Variants in CELF4 observed in about 807,000 individuals in gnomAD.
The protein encoded by CELF4 is CUGBP Elav-like family member 4.
Under a neutral mutation model 59.9 loss-of-function variants are expected in CELF4, and 18 were observed. The observed-to-expected ratio is 0.30, with a 90% CI of 0.21 to 0.45. The LOEUF is 0.45. Ranked by LOEUF, CELF4 falls within the 20% of genes least tolerant of loss-of-function variation. The pLI is 1.00. For synonymous variants in CELF4, 261 were observed against 267.1 expected (o/e 0.98, Z 0.22); for missense variants, 456 against 689.0 (o/e 0.66, Z 3.79).
chr18:37,286,097 G>A (rs1056241020), intron 3 of CELF4, among the ~76,000 whole-genome samples: 5 of 152,084 alleles, frequency 3.3e-5, no homozygotes, highest in Non-Finnish European at 7.4e-5. Context: ...CAGCATGGGC[G>A]GGGGGAGGTT....
chr18:37,348,057 G>A (rs1206084771), intron 2 of CELF4, among the ~76,000 whole-genome samples: 4 of 152,144 alleles, frequency 2.6e-5, no homozygotes, highest in Admixed American at 6.5e-5. Flanking sequence ...CCTCCAGGCC[G>A]GGCCTCTGGT....
chr18:37,418,986 A>G lies in CELF4; in HGVS notation c.369+66539T>C, dbSNP rs376052502. Among the ~76,000 whole-genome samples the G allele has an allele frequency of 4.6e-3, 703 of 152,264 alleles. 6 individuals carry two copies. Among genetic ancestry groups the G allele is most frequent in the African/African-American group, 0.016 (677 of 41,540 alleles). ...CTAGTCTAGCATAGGTGCACATGGT[A>G]GGTGTACTTCTGGGGATGAAGAGTG... On this transcript the variant is annotated intron_variant, in intron 2 of 12. Coordinates refer to ENST00000420428, the MANE Select transcript of CELF4 (RefSeq NM_020180.4).
In CELF4 at chr18:37,565,709, G is replaced by T. The variant is rs149435849; in HGVS notation, c.-68C>A. 233 of 1,442,786 alleles carry T rather than the reference G, an allele frequency of 1.6e-4. 2 individuals are homozygous for T. In the Middle Eastern group the frequency reaches 3.4e-3, roughly 21 times the overall value. 89.4% of individuals were successfully genotyped at this position (1,442,786 alleles called of 1,614,324 possible). On this transcript the variant is annotated 5_prime_UTR_variant, in exon 1 of 13. Coordinates refer to ENST00000420428, the MANE Select transcript of CELF4 (RefSeq NM_020180.4). The stretch of plus-strand genomic sequence containing the variant: ...TCTCGCTCCTCTCTCTCGCTCGCTC[G>T]CGCTCACACACGCACACGCATACAC...
At chr18:37,303,340 C>T (rs1236362041) in intron 3 of CELF4, among the ~76,000 whole-genome samples, 1 of 152,184 alleles carries the variant, frequency 6.6e-6, no homozygotes. Context: ...GGTCTCCTTC[C>T]TCCACTCCCC....
chr18:37,530,409 G>C (rs1237498248), intron 1 of CELF4, among the ~76,000 whole-genome samples: 1 of 151,854 alleles, frequency 6.6e-6, no homozygotes, highest in Non-Finnish European at 1.5e-5. Context: ...TTTCTTGACT[G>C]TGGGTGACTC....
chr18:37,352,696 C>T (rs1044258505), intron 2 of CELF4, among the ~76,000 whole-genome samples: 1 of 152,174 alleles, frequency 6.6e-6, no homozygotes, highest in African/African-American at 2.4e-5. Context: ...TATTCTCAGC[C>T]ACCAGATTAG....
rs778602282 is a variant in CELF4, at chr18:37,253,803, G to A, written c.*8C>T. The stretch of plus-strand genomic sequence containing the variant: ...CTGGTCTCCCCCGGGGGACGCTCCC[G>A]CCGGCGCTCAGTACGGGCGATTGGC... On this transcript the variant is annotated 3_prime_UTR_variant, in exon 12 of 13. Coordinates refer to ENST00000420428, the MANE Select transcript of CELF4 (RefSeq NM_020180.4). The surrounding 1 kb of genome is among the most constrained non-coding windows in gnomAD (Gnocchi z 4.5). 6 of 1,589,376 alleles carry A rather than the reference G, an allele frequency of 3.8e-6. No individual in the cohort carries two copies. The highest frequency in any genetic ancestry group is 5.1e-6 in the Non-Finnish European group (6 of 1,167,518).
Position 37,253,132 on chromosome 18 carries a change from C to T in CELF4, c.*44+635G>A, listed in dbSNP as rs544932202. On this transcript the variant is annotated intron_variant, in intron 12 of 12. Transcript: ENST00000420428. This position sits in a 1 kb window ranked among gnomAD's most constrained non-coding sequence, Gnocchi z 4.5. ...AGCCCAGCAGAAAAGGTAACAACGACCACTCATCATGACCCGTGTGGGGCA... is the reference window on the plus strand; with the variant it reads ...AGCCCAGCAGAAAAGGTAACAACGATCACTCATCATGACCCGTGTGGGGCA... 1.5e-3 allele frequency among the ~76,000 whole-genome samples: 226 copies of T among 152,280 alleles called. 1 individual carries two copies. The highest frequency in any genetic ancestry group is 2.7e-3 in the Non-Finnish European group (185 of 68,030).
At chr18:37,543,927 G>A (rs2099979484) in intron 1 of CELF4, among the ~76,000 whole-genome samples, 1 of 152,140 alleles carries the variant, frequency 6.6e-6, no homozygotes, top group Non-Finnish European at 1.5e-5. Flanking sequence ...CTGAGAGACT[G>A]ATGGGGCTGC....
At chr18:37,289,605 C>A (rs1249581283) in intron 3 of CELF4, among the ~76,000 whole-genome samples, 1 of 152,028 alleles carries the variant, frequency 6.6e-6, no homozygotes, top group Non-Finnish European at 1.5e-5. Flanking sequence ...GTCAGCTGCC[C>A]TTTGGATGTC....
At chr18:37,258,358 C>A (rs2071579422) in intron 11 of CELF4, among the ~76,000 whole-genome samples, 1 of 152,024 alleles carries the variant, frequency 6.6e-6, no homozygotes, top group Admixed American at 6.5e-5. Context: ...CACCCCAGCC[C>A]CATGCCTTCC....
chr18:37,273,212 C>T, intron 6 of CELF4, 49 bp from the exon 7 acceptor site: 10 of 1,578,228 alleles, frequency 6.3e-6, no homozygotes, highest in South Asian at 1.1e-5. Flanking sequence ...AGGGGGCATC[C>T]CTCCCCGACA....
intron 1 of CELF4, among the ~76,000 whole-genome samples, chr18:37,526,952 G>A (rs1179846187): frequency 6.6e-6 from 1 of 152,102 alleles, no homozygotes; most frequent in Non-Finnish European, 1.5e-5. Flanking sequence ...ACATGTCCGG[G>A]CCTCAGTTGC....
At chr18:37,470,874 GTGTGT>G (rs1569569544) in intron 2 of CELF4, among the ~76,000 whole-genome samples, 32 of 105,644 alleles carry the variant, frequency 3.0e-4, no homozygotes, top group African/African-American at 1.1e-3. Context: ...GTGTGTGTGT[GTGTGT>G]GTGTGTGTGA....
chr18:37,411,955 A>C (rs1382723109), intron 2 of CELF4, among the ~76,000 whole-genome samples: 1 of 152,222 alleles, frequency 6.6e-6, no homozygotes, highest in African/African-American at 2.4e-5. Context: ...ACCAAAAGCA[A>C]GGTCATCTCC....
intron 2 of CELF4, among the ~76,000 whole-genome samples, chr18:37,396,203 T>G (rs986069718): frequency 6.6e-6 from 1 of 152,208 alleles, no homozygotes; most frequent in Non-Finnish European, 1.5e-5. Context: ...TGCATTTGGA[T>G]GTGCTAGTGG....
Position 37,253,868 on chromosome 18 carries a change from G to C in CELF4, c.1404C>G (p.Gly468=). The C allele has an allele frequency of 6.2e-7, 1 of 1,609,198 alleles. No individual in the cohort carries two copies. The highest frequency in any genetic ancestry group is 8.5e-7 in the Non-Finnish European group (1 of 1,178,048). The change falls in exon 12 of 13, where the codon GGC becomes GGG. Residue 468 remains glycine, a synonymous_variant. Transcript: ENST00000420428. This position sits in a 1 kb window ranked among gnomAD's most constrained non-coding sequence, Gnocchi z 4.5. ...TCAGCTGCACCTTGAGCCTCTTCAT[G>C]CCGATCTGGAAGCCGTTCATGGCCT... ...AIQAMNGFQI[G]MKRLKVQLKR...
chr18:37,510,735 C>T (rs55806287), intron 1 of CELF4, among the ~76,000 whole-genome samples: 134,246 of 151,842 alleles, frequency 0.88, 59,879 homozygotes, highest in East Asian at 0.96. Flanking sequence ...TCCTTGGCTC[C>T]TGGGCTTCCT....
intron 1 of CELF4, among the ~76,000 whole-genome samples, chr18:37,565,021 C>G (rs1434639531): frequency 1.3e-5 from 2 of 151,992 alleles, no homozygotes; most frequent in South Asian, 4.2e-4. Context: ...TGGGCTCGAC[C>G]GGTGCAGCCT....
Sources: gnomAD v4.1 joint callset for allele counts (sites outside exome capture counted in the v4.1 genomes callset) on GRCh38, gnomAD v4.1.1 for gene constraint, Gnocchi (gnomAD v3.1) non-coding constraint, MANE v1.5 for transcripts, NCBI Gene and HGNC (gene_info 2026-07-23, HGNC 2026-07-21) for gene names.